The following FNBP1 variants were observed in gnomAD, a reference collection of about 807,000 sequenced individuals.
FNBP1 encodes the protein formin binding protein 1.
FNBP1 carries 26 observed loss-of-function variants against 90.6 expected under a neutral mutation model. The observed-to-expected ratio is 0.29, with a 90% CI of 0.21 to 0.40. The LOEUF (loss-of-function observed/expected upper bound fraction) is 0.40, where lower values mean the gene tolerates loss of function less well. FNBP1 is among the 10% of genes least tolerant of loss of function. The pLI is 1.00. For synonymous variants in FNBP1, 260 were observed against 265.2 expected (o/e 0.98, Z 0.19); for missense variants, 635 against 768.0 (o/e 0.83, Z 2.05).
At chr9:129,999,176 A>C (rs927118787) in intron 1 of FNBP1, among the ~76,000 whole-genome samples, 3 of 152,214 alleles carry the variant, frequency 2.0e-5, no homozygotes, top group Non-Finnish European at 4.4e-5. Context: ...CTTTGTGAAC[A>C]AATATTATAA....
chr9:130,012,662 T>C (rs1350490998), intron 1 of FNBP1, among the ~76,000 whole-genome samples: 5 of 152,142 alleles, frequency 3.3e-5, no homozygotes, highest in Admixed American at 2.0e-4. Flanking sequence ...TTAATTGAGA[T>C]GGAGTCTCGC....
chr9:129,894,564 T>C (rs576487043), intron 16 of FNBP1, among the ~76,000 whole-genome samples: 2 of 152,228 alleles, frequency 1.3e-5, no homozygotes, highest in Admixed American at 6.5e-5. Flanking sequence ...TGCTGAGATC[T>C]GTGTCTGTGG....
intron 2 of FNBP1, among the ~76,000 whole-genome samples, chr9:129,984,845 C>T (rs988756297): frequency 6.6e-6 from 1 of 152,140 alleles, no homozygotes; most frequent in Non-Finnish European, 1.5e-5. Flanking sequence ...TCCCTTGCCG[C>T]TGCCATGTAA....
At position 129,978,527 on chromosome 9, in the gene FNBP1, C is replaced by A; in HGVS notation, c.283G>T (p.Ala95Ser). 1 of 1,613,726 alleles carries A rather than the reference C, an allele frequency of 6.2e-7. No individual in the cohort carries two copies. The highest frequency in any genetic ancestry group is 1.3e-5 in the African/African-American group (1 of 75,016). ...GCCAAGTCCACAATGATCTGTGATG[C>A]CATGTTCTCGGAGATAACTTCATGC... ...GQHEVISENM[A>S]SQIIVDLARY... The change falls in exon 4 of 17, where the codon GCA (alanine) becomes TCA (serine). Residue 95 changes from alanine (A) to serine (S), a missense_variant. Coordinates refer to ENST00000446176, the MANE Select transcript of FNBP1 (RefSeq NM_015033.3).
chr9:129,892,382 C>A (rs2035193266), intron 16 of FNBP1, among the ~76,000 whole-genome samples: 1 of 135,792 alleles, frequency 7.4e-6, no homozygotes, highest in Non-Finnish European at 1.6e-5. Context: ...CACACACACA[C>A]ACACACACAC....
At chr9:129,915,521 G>A (rs1196857211) in intron 11 of FNBP1, among the ~76,000 whole-genome samples, 6 of 151,920 alleles carry the variant, frequency 3.9e-5, no homozygotes, top group African/African-American at 1.5e-4. Flanking sequence ...ACGCTGCCAC[G>A]CCCGGCTAAT....
At chr9:129,954,994 C>CTAA (rs2046702390) in intron 6 of FNBP1, among the ~76,000 whole-genome samples, 1 of 139,474 alleles carries the variant, frequency 7.2e-6, no homozygotes. Context: ...AACTTCGTCC[C>CTAA]AAAAAAAAAA....
Position 129,943,138 on chromosome 9 carries a change from G to A in FNBP1, c.514-13443C>T, listed in dbSNP as rs1036739049. Among the ~76,000 whole-genome samples the A allele has an allele frequency of 5.3e-5, 8 of 151,948 alleles. No homozygotes were observed. The East Asian group carries it at 7.7e-4, about 15-fold the overall frequency. Reference sequence around the variant, plus strand: ...ATGAAGTTGTCTCTACCTCAGTGGCGCTTTCTCTTTTCTGTTTCTACATAT... The same window carrying A: ...ATGAAGTTGTCTCTACCTCAGTGGCACTTTCTCTTTTCTGTTTCTACATAT... On this transcript the variant is annotated intron_variant, in intron 6 of 16. Coordinates refer to ENST00000446176, the MANE Select transcript of FNBP1 (RefSeq NM_015033.3).
chr9:129,983,820 C>T (rs1038217311), intron 2 of FNBP1, among the ~76,000 whole-genome samples: 1 of 151,936 alleles, frequency 6.6e-6, no homozygotes, highest in Non-Finnish European at 1.5e-5. Flanking sequence ...CAAAACAAAA[C>T]AATCAAATAA....
the FNBP1 span, among the ~76,000 whole-genome samples, chr9:130,048,314 C>CTAAAAAA: frequency 2.0e-5 from 1 of 50,716 alleles, no homozygotes; most frequent in Non-Finnish European, 3.2e-5. Flanking sequence ...GACTCCATCT[C>CTAAAAAA]AAAAAAAAAA....
intron 6 of FNBP1, among the ~76,000 whole-genome samples, chr9:129,932,694 T>C (rs1380759798): frequency 6.6e-6 from 1 of 152,182 alleles, no homozygotes. Context: ...TTCCTCTTTG[T>C]TGGTGGCCTG....
At chr9:130,000,330 A>G (rs1307682851) in intron 1 of FNBP1, among the ~76,000 whole-genome samples, 1 of 151,938 alleles carries the variant, frequency 6.6e-6, no homozygotes, top group African/African-American at 2.4e-5. Context: ...GTCTTTACTA[A>G]AAATACAAAA....
chr9:129,921,347 T>A (rs1024932765), intron 10 of FNBP1, among the ~76,000 whole-genome samples: 2 of 151,774 alleles, frequency 1.3e-5, no homozygotes, highest in Non-Finnish European at 2.9e-5. Context: ...CAGCCTCCGC[T>A]AGGACTACAG....
At chr9:129,919,348 T>A in intron 10 of FNBP1, 1 of 448,066 alleles carries the variant, frequency 2.2e-6, no homozygotes, top group Non-Finnish European at 4.1e-6. Flanking sequence ...TTCGGTCAAC[T>A]TTGATGGTAT....
intron 1 of FNBP1, among the ~76,000 whole-genome samples, chr9:130,040,535 C>T (rs1013863170): frequency 2.0e-5 from 3 of 149,792 alleles, no homozygotes; most frequent in African/African-American, 7.4e-5. Flanking sequence ...GCAGGAGAAT[C>T]GTTTGAACCT....
At chr9:130,030,561 TAGACTGTCCTCC>T (rs2058716280) in intron 1 of FNBP1, among the ~76,000 whole-genome samples, 1 of 152,118 alleles carries the variant, frequency 6.6e-6, no homozygotes, top group African/African-American at 2.4e-5. Flanking sequence ...AACTGTAACG[TAGACTGTCCTCC>T]AGAGGAGGCA....
chr9:130,040,546 G>A (rs1024882491), intron 1 of FNBP1, among the ~76,000 whole-genome samples: 1 of 151,602 alleles, frequency 6.6e-6, no homozygotes. Context: ...GTTTGAACCT[G>A]GGAGGCAGAG....
At position 129,995,860 on chromosome 9, in the gene FNBP1, C is replaced by T. The variant is rs572859604; in HGVS notation, c.25-902G>A. 5.3e-5 allele frequency among the ~76,000 whole-genome samples: 8 copies of T among 152,198 alleles called. No homozygotes were observed. The South Asian group carries it at 6.2e-4, about 12-fold the overall frequency. On this transcript the variant is annotated intron_variant, in intron 1 of 16. Transcript: ENST00000446176. ...CTAGATCACCCAAGGCCTTGAAGGA[C>T]GAGCTTAGGAGTTTAGACTCTCCAG...
At chr9:130,009,941 T>C (rs961739350) in intron 1 of FNBP1, among the ~76,000 whole-genome samples, 1 of 146,946 alleles carries the variant, frequency 6.8e-6, no homozygotes, top group African/African-American at 2.6e-5. Context: ...ATTGTGCCAC[T>C]GTACTCCAGC....
Sources: gnomAD v4.1 joint callset for allele counts (sites outside exome capture counted in the v4.1 genomes callset) on GRCh38, gnomAD v4.1.1 for gene constraint, MANE v1.5 for transcripts, NCBI Gene and HGNC (gene_info 2026-07-23, HGNC 2026-07-21) for gene names.